Variants in A2M observed in about 807,000 individuals in gnomAD.
The protein encoded by A2M is alpha-2-macroglobulin.
In A2M, 128 loss-of-function variants were observed where a neutral mutation model predicts 183.9. The observed-to-expected ratio is 0.70, with a 90% CI of 0.60 to 0.81. The LOEUF (loss-of-function observed/expected upper bound fraction) is 0.81, where lower values mean the gene tolerates loss of function less well. Among genes scored for constraint, A2M ranks in the 30% least tolerant of loss-of-function variants. A2M has a pLI of 0.00. For synonymous variants in A2M, 592 were observed against 670.8 expected, an observed-to-expected ratio of 0.88 and a Z score of 1.81; for missense variants, 1,495 against 1,787.6, an observed-to-expected ratio of 0.84 and a Z score of 2.95.
chr12:9,077,338 G>GTA lies in A2M; in HGVS notation c.3351+6_3351+7dup, dbSNP rs2137687702. 1.2e-6 allele frequency: 2 copies of GTA among 1,610,896 alleles called. No homozygotes were observed. Among genetic ancestry groups the GTA allele is most frequent in the Non-Finnish European group, 1.7e-6 (2 of 1,177,774 alleles). ...TCTCCTTCAGCAGAGGAATGGGGTGGTACCTACAGTGACTGTGAGAGGAAT... is the reference window on the plus strand; with the variant it reads ...TCTCCTTCAGCAGAGGAATGGGGTGGTATACCTACAGTGACTGTGAGAGGAAT... On this transcript the variant is annotated splice_region_variant and intron_variant, in intron 27 of 35. Transcript: ENST00000318602.
At chr12:9,096,726 A>G (rs1168216847) in intron 15 of A2M, among the ~76,000 whole-genome samples, 2 of 152,202 alleles carry the variant, frequency 1.3e-5, no homozygotes, top group Non-Finnish European at 2.9e-5. Flanking sequence ...ATGAAATTAG[A>G]CACTTTCTCA....
chr12:9,100,316 C>A (rs912979253), intron 13 of A2M, among the ~76,000 whole-genome samples: 2 of 152,186 alleles, frequency 1.3e-5, no homozygotes, highest in Non-Finnish European at 2.9e-5. Flanking sequence ...CATTCTCTAA[C>A]ACAATTCTCA....
At chr12:9,067,866 A>G (rs751662965) in intron 35 of A2M, 27 bp from the exon 36 acceptor site, 9 of 1,608,756 alleles carry the variant, frequency 5.6e-6, no homozygotes, top group Admixed American at 1.7e-5. Context: ...AAAAAAAATT[A>G]AGACAGATTT....
At chr12:9,100,531 G>C (rs766928195) in intron 13 of A2M, among the ~76,000 whole-genome samples, 6 of 151,600 alleles carry the variant, frequency 4.0e-5, no homozygotes, top group Non-Finnish European at 7.4e-5. Flanking sequence ...CTCCCATCCC[G>C]TTCTCCCAAA....
rs114769867 is a variant in A2M at position 9,070,679 on chromosome 12, G to A, written c.4104-101C>T. The stretch of plus-strand genomic sequence containing the variant: ...CATTCCACAGCTCTAAAAGGTACAC[G>A]TAAGTCTTCCCAAATATCTTATCCC... On this transcript the variant is annotated intron_variant, in intron 31 of 35. Coordinates refer to ENST00000318602, the MANE Select transcript of A2M (RefSeq NM_000014.6). 1,715 of 759,158 alleles carry A rather than the reference G, an allele frequency of 2.3e-3. 28 individuals are homozygous for A. In the African/African-American group the frequency reaches 0.026, roughly 11 times the overall value. The allele number at this position is 759,158 out of a possible 1,614,324, so 47.0% of individuals were successfully genotyped here.
At chr12:9,078,088 G>A (rs1948800449) in intron 25 of A2M, among the ~76,000 whole-genome samples, 1 of 152,032 alleles carries the variant, frequency 6.6e-6, no homozygotes, top group Non-Finnish European at 1.5e-5. Context: ...TTTTATTTTA[G>A]TTCCGAGATA....
chr12:9,080,574 A>G (rs944846723), intron 22 of A2M, among the ~76,000 whole-genome samples: 4 of 152,234 alleles, frequency 2.6e-5, no homozygotes, highest in Non-Finnish European at 4.4e-5. Flanking sequence ...ACAAAGCCCT[A>G]TAAGTATACA....
At chr12:9,070,253 T>C (rs1258121637) in intron 32 of A2M, among the ~76,000 whole-genome samples, 1 of 152,220 alleles carries the variant, frequency 6.6e-6, no homozygotes, top group African/African-American at 2.4e-5. Context: ...TAAGAAGAAA[T>C]TGAAAAGCAG....
intron 22 of A2M, among the ~76,000 whole-genome samples, chr12:9,084,625 GA>G (rs1236333273): frequency 6.6e-6 from 1 of 152,022 alleles, no homozygotes; most frequent in African/African-American, 2.4e-5. Flanking sequence ...GAGGAACAAA[GA>G]AGCAAAACAA....
At chr12:9,099,795 AG>A (rs1937682002) in intron 13 of A2M, among the ~76,000 whole-genome samples, 1 of 152,242 alleles carries the variant, frequency 6.6e-6, no homozygotes, top group Admixed American at 6.5e-5. Flanking sequence ...CATTTGATCT[AG>A]GCCTCATACT....
intron 18 of A2M, 144 bp downstream of exon 18, chr12:9,093,319 CTA>C (rs753972111): frequency 2.6e-5 from 15 of 575,580 alleles, no homozygotes; most frequent in African/African-American, 1.7e-4. Flanking sequence ...AATCATTTCA[CTA>C]TGTGTATGTG....
chr12:9,107,113 C>A (rs1482873850), intron 8 of A2M, among the ~76,000 whole-genome samples: 1 of 152,162 alleles, frequency 6.6e-6, no homozygotes, highest in Non-Finnish European at 1.5e-5. Context: ...CCATAATATT[C>A]AGCTGTGGCT....
intron 21 of A2M, among the ~76,000 whole-genome samples, chr12:9,089,538 C>T (rs1186220347): frequency 1.3e-5 from 2 of 152,074 alleles, no homozygotes; most frequent in Admixed American, 1.3e-4. Context: ...GCCAGGAGTT[C>T]GAGACCAGCC....
rs762739977 is a variant in A2M at position 9,115,807 on chromosome 12, G to A, written c.43C>T (p.Leu15Phe). ...KLLHPSLVLL[L>F]LVLLPTDASV... ...GCGTCTGTGGGCAGGAGGACCAAGAGGAGAAGAACCAGACTTGGATGAAGG... is the reference window on the plus strand; with the variant it reads ...GCGTCTGTGGGCAGGAGGACCAAGAAGAGAAGAACCAGACTTGGATGAAGG... Residue 15 changes from leucine (L) to phenylalanine (F), a missense_variant, in exon 1 of 36, where the codon CTC becomes TTC. Transcript: ENST00000318602. 6.2e-6 allele frequency: 10 copies of A among 1,613,528 alleles called. No individual in the cohort carries two copies. In the South Asian group the frequency reaches 7.7e-5, roughly 12 times the overall value.
chr12:9,106,352 A>G lies in A2M; in HGVS notation c.995-7T>C. On this transcript the variant is annotated splice_region_variant and splice_polypyrimidine_tract_variant and intron_variant, in intron 9 of 35. Transcript: ENST00000318602. ...CTTCCAGTCAATTCCACCACTGAAAAAAGAGAAAAAAATCTGTTATTTTTG... is the reference window on the plus strand; with the variant it reads ...CTTCCAGTCAATTCCACCACTGAAAGAAGAGAAAAAAATCTGTTATTTTTG... The G allele has an allele frequency of 6.3e-7, 1 of 1,581,724 alleles. No individual in the cohort carries two copies. The highest frequency in any genetic ancestry group is 8.7e-7 in the Non-Finnish European group (1 of 1,155,946).
chr12:9,072,467 A>G lies in A2M; in HGVS notation c.3995T>C (p.Ile1332Thr). 3 of 1,612,210 alleles carry G rather than the reference A, an allele frequency of 1.9e-6. No homozygotes were observed. The highest frequency in any genetic ancestry group is 2.5e-6 in the Non-Finnish European group (3 of 1,179,488). The change falls in exon 31 of 36, where the codon ATT (isoleucine) becomes ACT (threonine). Residue 1332 changes from isoleucine to threonine, a missense_variant. Physicochemically the swap from Ile to Thr is moderately conservative, Grantham distance 89. Coordinates refer to ENST00000318602, the MANE Select transcript of A2M (RefSeq NM_000014.6). ...GGGGAACTCTTCCTTTTCTGGGAGA[A>G]TATTGTATTTCAAGGATGTCTATAG... is the stretch of plus-strand genomic sequence containing the variant. ...VYLQTSLKYN[I>T]LPEKEEFPFA...
intron 2 of A2M, among the ~76,000 whole-genome samples, chr12:9,113,032 G>A (rs1408813397): frequency 2.0e-5 from 3 of 151,766 alleles, no homozygotes; most frequent in Non-Finnish European, 2.9e-5. Flanking sequence ...CACCACGGGT[G>A]GCTCATGTTG....
rs767837552 is a variant in A2M at position 9,106,573 on chromosome 12, T to C, written c.912A>G (p.Val304=). ...LNSHGCFYQQ[V]KTKVFQLKRK... is the part of the protein sequence containing the mutation. ...TCTTCAGCTGGAAGACCTTGGTTTT[T>C]ACTTGCTGATAGAAGCAGCCATGGC... The change falls in exon 9 of 36, where the codon GTA becomes GTG. Residue 304 remains valine, a synonymous_variant. Coordinates refer to ENST00000318602, the MANE Select transcript of A2M (RefSeq NM_000014.6). The C allele has an allele frequency of 1.9e-6, 3 of 1,588,000 alleles. No homozygotes were observed. The highest frequency in any genetic ancestry group is 2.3e-5 in the East Asian group (1 of 44,330).
At position 9,110,337 on chromosome 12, in the gene A2M, G is replaced by A. The variant is rs1938631066; in HGVS notation, c.484-3C>T. 3 of 1,427,362 alleles carry A rather than the reference G, an allele frequency of 2.1e-6. No homozygotes were observed. Among genetic ancestry groups the A allele is most frequent in the Admixed American group, 5.1e-5 (2 of 39,406 alleles). The allele number at this position is 1,427,362 out of a possible 1,614,324, so 88.4% of individuals were successfully genotyped here. Reference sequence around the variant, plus strand: ...ACCTGAATGTATACTAGTGGAATCTGAAAGACAAAAGAAAAAAGAAGTTTA... The same window carrying A: ...ACCTGAATGTATACTAGTGGAATCTAAAAGACAAAAGAAAAAAGAAGTTTA... On this transcript the variant is annotated splice_polypyrimidine_tract_variant and splice_region_variant and intron_variant, in intron 4 of 35. Transcript: ENST00000318602.
Sources: gnomAD v4.1 joint callset for allele counts (sites outside exome capture counted in the v4.1 genomes callset) on GRCh38, gnomAD v4.1.1 for gene constraint, MANE v1.5 for transcripts, NCBI Gene and HGNC (gene_info 2026-07-23, HGNC 2026-07-21) for gene names.